The following SLC25A26 variants were observed in gnomAD, a reference collection of about 807,000 sequenced individuals.
SLC25A26 encodes mitochondrial S-adenosylmethionine carrier protein.
SLC25A26 carries 36 observed loss-of-function variants against 37.8 expected under a neutral mutation model. The ratio of observed to expected loss-of-function variants is 0.95; its 90% CI spans 0.73 to 1.26. SLC25A26 has a LOEUF of 1.26. Among genes scored for constraint, SLC25A26 ranks in the 50% most tolerant of loss-of-function variants. SLC25A26 has a pLI of 0.00. For missense variants in SLC25A26, 390 were observed against 331.1 expected, an observed-to-expected ratio of 1.18 and a Z score of -1.38; for synonymous variants, 129 against 122.5, an observed-to-expected ratio of 1.05 and a Z score of -0.35.
chr3:66,353,565 C>G (rs974821110), intron 6 of SLC25A26, among the ~76,000 whole-genome samples: 2 of 152,140 alleles, frequency 1.3e-5, no homozygotes, highest in Admixed American at 6.5e-5. Context: ...GTCGTATACT[C>G]AAAAGTTGAT....
At chr3:66,296,411 C>G (rs1328325118) in intron 5 of SLC25A26, among the ~76,000 whole-genome samples, 1 of 152,126 alleles carries the variant, frequency 6.6e-6, no homozygotes, top group Non-Finnish European at 1.5e-5. Context: ...TCCTGATATA[C>G]ATGCATTTGC....
intron 5 of SLC25A26, among the ~76,000 whole-genome samples, chr3:66,282,851 C>T (rs2074391905): frequency 6.6e-6 from 1 of 152,194 alleles, no homozygotes; most frequent in East Asian, 1.9e-4. Flanking sequence ...ATACCCATTT[C>T]CCTGCTTCCT....
chr3:66,244,938 C>A (rs1186478803), intron 3 of SLC25A26, among the ~76,000 whole-genome samples: 1 of 152,124 alleles, frequency 6.6e-6, no homozygotes, highest in Non-Finnish European at 1.5e-5. Flanking sequence ...GATCAAGCCG[C>A]TGCACTCCAG....
At chr3:66,354,459 A>G (rs1332719768) in intron 6 of SLC25A26, among the ~76,000 whole-genome samples, 5 of 152,220 alleles carry the variant, frequency 3.3e-5, no homozygotes, top group Non-Finnish European at 7.3e-5. Context: ...AGTTCAATGT[A>G]TATAATAATT....
chr3:66,371,134 C>A, intron 9 of SLC25A26: 1 of 1,426,038 alleles, frequency 7.0e-7, no homozygotes, highest in East Asian at 2.6e-5. Context: ...GCTTTGACAC[C>A]ATAAACTTGT....
At chr3:66,333,980 G>T (rs1177249923) in intron 5 of SLC25A26, among the ~76,000 whole-genome samples, 1 of 152,150 alleles carries the variant, frequency 6.6e-6, no homozygotes, top group African/African-American at 2.4e-5. Context: ...GGAGGTAAAG[G>T]GAGGTGAGTT....
chr3:66,177,048 C>G (rs1290366046), intron 1 of SLC25A26, among the ~76,000 whole-genome samples: 1 of 152,176 alleles, frequency 6.6e-6, no homozygotes, highest in East Asian at 1.9e-4. Context: ...CACACTTAGG[C>G]AAAAGTGAGA....
intron 6 of SLC25A26, among the ~76,000 whole-genome samples, chr3:66,353,490 T>A (rs1331219308): frequency 1.3e-5 from 2 of 152,224 alleles, no homozygotes; most frequent in African/African-American, 4.8e-5. Context: ...AGACTTGATA[T>A]TCTTAATCAC....
At position 66,243,283 on chromosome 3, in the gene SLC25A26, C is replaced by T. The variant is rs1243500380; in HGVS notation, c.271C>T (p.His91Tyr). 28 of 1,605,534 alleles carry T rather than the reference C, an allele frequency of 1.7e-5. No homozygotes were observed. Among genetic ancestry groups the T allele is most frequent in the Non-Finnish European group, 2.4e-5 (28 of 1,174,300 alleles). ...DSSSYLTPMK[H>Y]MLAASAGEVV... ...ATCTTCATATTTGACACCTATGAAA[C>T]ATATGTTGGCTGCCTCTGCTGGAGA... Residue 91 changes from histidine to tyrosine, a missense_variant, in exon 3 of 10, where the codon CAT becomes TAT. His to Tyr is a moderately conservative substitution (Grantham distance 83). Coordinates refer to ENST00000354883, the MANE Select transcript of SLC25A26 (RefSeq NM_001379210.1).
chr3:66,369,386 C>T (rs900107175), intron 7 of SLC25A26, 92 bp from the exon 8 acceptor site: 15 of 1,036,536 alleles, frequency 1.4e-5, no homozygotes, highest in Middle Eastern at 2.0e-4. Flanking sequence ...TACATAATGA[C>T]GAAGTGATTT....
At chr3:66,247,399 C>T (rs925471152) in intron 3 of SLC25A26, among the ~76,000 whole-genome samples, 8 of 152,116 alleles carry the variant, frequency 5.3e-5, no homozygotes, top group Non-Finnish European at 8.8e-5. Context: ...CCTGTAACTT[C>T]TGGGCTCACG....
intron 5 of SLC25A26, among the ~76,000 whole-genome samples, chr3:66,270,287 A>G (rs1050042969): frequency 1.2e-4 from 18 of 152,172 alleles, no homozygotes; most frequent in Non-Finnish European, 2.4e-4. Context: ...TCATCTTAGC[A>G]CTTCTACTGA....
intron 7 of SLC25A26, among the ~76,000 whole-genome samples, chr3:66,365,963 G>A (rs1411567002): frequency 6.6e-6 from 1 of 152,186 alleles, no homozygotes; most frequent in Non-Finnish European, 1.5e-5. Flanking sequence ...ACTGCTTAGA[G>A]GTGACAGCTC....
At chr3:66,345,715 A>C (rs1180791264) in intron 5 of SLC25A26, among the ~76,000 whole-genome samples, 4 of 151,972 alleles carry the variant, frequency 2.6e-5, no homozygotes, top group African/African-American at 9.7e-5. Context: ...TTCTCCTTTA[A>C]ATCCTAACAC....
chr3:66,271,466 T>A (rs1210914498), intron 5 of SLC25A26, among the ~76,000 whole-genome samples: 1 of 152,146 alleles, frequency 6.6e-6, no homozygotes, highest in Non-Finnish European at 1.5e-5. Context: ...ATTCCAGAAC[T>A]ATGAAGAAGG....
chr3:66,282,305 C>T (rs1240385698), intron 5 of SLC25A26, among the ~76,000 whole-genome samples: 1 of 152,190 alleles, frequency 6.6e-6, no homozygotes, highest in Non-Finnish European at 1.5e-5. Flanking sequence ...GCCACCGCGC[C>T]CGGCCTGATT....
At position 66,368,794 on chromosome 3, in the gene SLC25A26, G is replaced by A. The variant is rs188567697; in HGVS notation, c.569-684G>A. Among the ~76,000 whole-genome samples, 145 of 152,266 alleles carry A rather than the reference G, an allele frequency of 9.5e-4. 1 individual carries two copies. Among genetic ancestry groups the A allele is most frequent in the Non-Finnish European group, 1.7e-3 (118 of 68,030 alleles). On this transcript the variant is annotated intron_variant, in intron 7 of 9. Coordinates refer to ENST00000354883, the MANE Select transcript of SLC25A26 (RefSeq NM_001379210.1). ...ACACTTTGGGAGGCCGAGGCAGGAG[G>A]AGTGCTTGATGCAAGGAGTTCAAGA...
intron 3 of SLC25A26, among the ~76,000 whole-genome samples, chr3:66,257,905 C>G (rs17823785): frequency 6.6e-6 from 1 of 152,122 alleles, no homozygotes; most frequent in Non-Finnish European, 1.5e-5. Context: ...TTCATATGTG[C>G]GCTGCTCGAG....
At chr3:66,326,076 A>G (rs993642335) in intron 5 of SLC25A26, among the ~76,000 whole-genome samples, 1 of 152,222 alleles carries the variant, frequency 6.6e-6, no homozygotes, top group Non-Finnish European at 1.5e-5. Context: ...ATGAGGTGCC[A>G]AGAAGGATCC....
Sources: allele counts gnomAD v4.1 joint callset (sites outside exome capture counted in the v4.1 genomes callset), GRCh38; gene constraint gnomAD v4.1.1; transcripts MANE v1.5; gene names NCBI Gene and HGNC (gene_info 2026-07-23, HGNC 2026-07-21).